ACTR3C: variants seen among roughly 807,000 people sequenced by gnomAD.
ACTR3C encodes the protein actin related protein 3C.
A neutral mutation model predicts 26.3 loss-of-function variants in ACTR3C; 18 were observed. That is an observed-to-expected ratio of 0.68 (90% CI 0.47 to 1.01). The LOEUF (loss-of-function observed/expected upper bound fraction) is 1.01, where lower values mean the gene tolerates loss of function less well. Ranked by LOEUF, ACTR3C falls within the 50% of genes least tolerant of loss-of-function variation. The pLI, the probability that ACTR3C is intolerant of heterozygous loss-of-function variation, is 0.00. For synonymous variants in ACTR3C, 55 were observed against 94.5 expected (o/e 0.58, Z 2.42); for missense variants, 184 against 250.7 (o/e 0.73, Z 1.80).
the ACTR3C span, among the ~76,000 whole-genome samples, chr7:150,011,493 A>T: frequency 7.2e-5 from 11 of 152,160 alleles, no homozygotes; most frequent in Non-Finnish European, 1.3e-4. Flanking sequence ...GCAGAGGCAG[A>T]ACAACCGCTT....
At chr7:150,309,664 A>G (rs73472382) in intron 1 of ACTR3C, among the ~76,000 whole-genome samples, 7,183 of 152,206 alleles carry the variant, frequency 0.047, 577 homozygotes, top group African/African-American at 0.16. Flanking sequence ...AGAAATGCCC[A>G]CAGCCCAGGA....
chr7:150,192,151 GTGTT>G, the ACTR3C span, among the ~76,000 whole-genome samples: 1 of 150,674 alleles, frequency 6.6e-6, no homozygotes, highest in Non-Finnish European at 1.5e-5. Context: ...GAATATGTGT[GTGTT>G]TGTTCATGAG....
At chr7:150,120,306 C>T in the ACTR3C span, among the ~76,000 whole-genome samples, 4 of 151,754 alleles carry the variant, frequency 2.6e-5, no homozygotes, top group East Asian at 7.7e-4. Context: ...CTGGTTTTTT[C>T]AAAAGATTAA....
chr7:150,072,590 A>G, the ACTR3C span, among the ~76,000 whole-genome samples: 1 of 146,388 alleles, frequency 6.8e-6, no homozygotes, highest in Non-Finnish European at 1.5e-5. Flanking sequence ...AGCCCATGGG[A>G]GCACCGGCCG....
At chr7:149,925,119 G>T in the ACTR3C span, among the ~76,000 whole-genome samples, 42 of 151,630 alleles carry the variant, frequency 2.8e-4, no homozygotes, top group East Asian at 4.9e-3. Flanking sequence ...CGAAGAGAAG[G>T]CACCATTTAT....
chr7:150,314,650 A>T (rs1796656267), intron 1 of ACTR3C, among the ~76,000 whole-genome samples: 1 of 152,024 alleles, frequency 6.6e-6, no homozygotes, highest in Non-Finnish European at 1.5e-5. Context: ...TTATTTAAAA[A>T]TAATGTTTAA....
the ACTR3C span, among the ~76,000 whole-genome samples, chr7:150,167,646 T>G: frequency 6.6e-6 from 1 of 150,746 alleles, no homozygotes; most frequent in Non-Finnish European, 1.5e-5. Flanking sequence ...GGAAATGTTA[T>G]GGGCTATACA....
At chr7:150,162,241 A>G in the ACTR3C span, among the ~76,000 whole-genome samples, 1 of 152,224 alleles carries the variant, frequency 6.6e-6, no homozygotes, top group East Asian at 1.9e-4. Flanking sequence ...ATCACATTTC[A>G]ACACCAATAG....
At chr7:150,127,506 C>A in the ACTR3C span, among the ~76,000 whole-genome samples, 2 of 151,684 alleles carry the variant, frequency 1.3e-5, no homozygotes, top group Admixed American at 6.6e-5. Context: ...TCTCATGCCA[C>A]ACCACAAAAT....
At chr7:150,281,100 G>A (rs1484830696) in intron 6 of ACTR3C, among the ~76,000 whole-genome samples, 2 of 152,008 alleles carry the variant, frequency 1.3e-5, no homozygotes, top group African/African-American at 4.8e-5. Context: ...ACAGGTAGCC[G>A]AGGTCAGGAA....
At chr7:150,157,730 G>A in the ACTR3C span, among the ~76,000 whole-genome samples, 57,887 of 152,034 alleles carry the variant, frequency 0.38, 11,611 homozygotes, top group African/African-American at 0.51. Context: ...GAGGAATTAC[G>A]GAAGTGTTAC....
At chr7:150,071,037 A>G in the ACTR3C span, among the ~76,000 whole-genome samples, 60 of 123,868 alleles carry the variant, frequency 4.8e-4, no homozygotes, top group African/African-American at 1.7e-3. Flanking sequence ...CTCATGATCC[A>G]CCTACCTCAG....
At chr7:150,021,776 A>G in the ACTR3C span, among the ~76,000 whole-genome samples, 1 of 151,878 alleles carries the variant, frequency 6.6e-6, no homozygotes, top group East Asian at 1.9e-4. Flanking sequence ...AACTCTGTCC[A>G]GGTTGCTGTG....
chr7:150,224,683 T>C, the ACTR3C span, among the ~76,000 whole-genome samples: 1 of 152,106 alleles, frequency 6.6e-6, no homozygotes, highest in East Asian at 1.9e-4. Context: ...ATTACTATTA[T>C]CCTTTCTCAT....
intron 2 of ACTR3C, among the ~76,000 whole-genome samples, chr7:150,294,226 C>T (rs1462154291): frequency 5.9e-5 from 9 of 152,142 alleles, no homozygotes; most frequent in African/African-American, 1.7e-4. Flanking sequence ...TTCGTCGGGG[C>T]GGGGAGGCTT....
At chr7:150,303,862 T>C (rs1370233545) in intron 1 of ACTR3C, among the ~76,000 whole-genome samples, 1 of 152,212 alleles carries the variant, frequency 6.6e-6, no homozygotes, top group African/African-American at 2.4e-5. Context: ...TAGAAGCATA[T>C]GATCAAAGCA....
the ACTR3C span, among the ~76,000 whole-genome samples, chr7:150,018,698 A>G: frequency 6.7e-6 from 1 of 150,238 alleles, no homozygotes; most frequent in Non-Finnish European, 1.5e-5. Context: ...GTGGTTTCTA[A>G]TTTTCATATT....
chr7:149,902,864 G>C, the ACTR3C span, among the ~76,000 whole-genome samples: 1 of 83,738 alleles, frequency 1.2e-5, no homozygotes, highest in Non-Finnish European at 2.9e-5. Context: ...AGGATCTCTT[G>C]AACCTGGAAA....
At chr7:150,084,097 C>T in the ACTR3C span, among the ~76,000 whole-genome samples, 3 of 152,080 alleles carry the variant, frequency 2.0e-5, no homozygotes, top group African/African-American at 7.2e-5. Context: ...GTCTTGAATT[C>T]CTGGGCTCAA....
Sources: allele counts gnomAD v4.1 joint callset (sites outside exome capture counted in the v4.1 genomes callset), GRCh38; gene constraint gnomAD v4.1.1; transcripts MANE v1.5; gene names NCBI Gene and HGNC (gene_info 2026-07-23, HGNC 2026-07-21).